BBS9: variants seen among roughly 807,000 people sequenced by gnomAD.
BBS9 encodes the protein Bardet-Biedl syndrome 9, also known as protein PTHB1.
Under a neutral mutation model 117.7 loss-of-function variants are expected in BBS9, and 89 were observed. That is an observed-to-expected ratio of 0.76 (90% CI 0.64 to 0.90). BBS9 has a LOEUF of 0.90. Among genes scored for constraint, BBS9 ranks in the 40% least tolerant of loss-of-function variants. BBS9 has a pLI of 0.00. For synonymous variants in BBS9, 379 were observed against 370.9 expected, an observed-to-expected ratio of 1.02 and a Z score of -0.25; for missense variants, 982 against 1,042.2, an observed-to-expected ratio of 0.94 and a Z score of 0.80.
chr7:33,429,315 G>A (rs2128874252), intron 19 of BBS9, among the ~76,000 whole-genome samples: 1 of 150,002 alleles, frequency 6.7e-6, no homozygotes, highest in South Asian at 2.1e-4. Context: ...AGAAGTGTTA[G>A]TTATCAGTTA....
At chr7:33,390,354 T>A in intron 19 of BBS9, 1 of 985,350 alleles carries the variant, frequency 1.0e-6, no homozygotes, top group Non-Finnish European at 1.2e-6. Flanking sequence ...GAGGTTTTTA[T>A]TTTTTTCTGC....
chr7:33,351,164 T>C, intron 13 of BBS9, 55 bp from the exon 14 acceptor site: 1 of 1,202,440 alleles, frequency 8.3e-7, no homozygotes, highest in Non-Finnish European at 1.2e-6. Context: ...TTAACTGTTG[T>C]TAATAACAGT....
chr7:33,223,262 A>G (rs1790607500), intron 5 of BBS9, among the ~76,000 whole-genome samples: 1 of 152,186 alleles, frequency 6.6e-6, no homozygotes. Flanking sequence ...ATTCAAGCTA[A>G]TTAACATATC....
chr7:33,429,199 C>T (rs1189623539), intron 19 of BBS9, among the ~76,000 whole-genome samples: 1 of 151,754 alleles, frequency 6.6e-6, no homozygotes, highest in Non-Finnish European at 1.5e-5. Context: ...AAAAGGCCAC[C>T]TCTATTTGTT....
chr7:33,598,150 C>A (rs1162699344), intron 21 of BBS9, among the ~76,000 whole-genome samples: 1 of 151,818 alleles, frequency 6.6e-6, no homozygotes, highest in Non-Finnish European at 1.5e-5. Context: ...GTTCACTCCC[C>A]ACTTGGCTTC....
intron 5 of BBS9, among the ~76,000 whole-genome samples, chr7:33,237,223 T>C (rs1793683249): frequency 6.6e-6 from 1 of 152,200 alleles, no homozygotes; most frequent in Admixed American, 6.5e-5. Flanking sequence ...TATTTGGTTC[T>C]GTTTTATGTT....
rs113266251 is a variant in BBS9, at chr7:33,493,676, A to T, written c.2116-11787A>T. Among the ~76,000 whole-genome samples the T allele has an allele frequency of 2.0e-3, 312 of 152,290 alleles. 1 individual carries two copies. Among genetic ancestry groups the T allele is most frequent in the African/African-American group, 7.1e-3 (294 of 41,570 alleles). On this transcript the variant is annotated intron_variant, in intron 19 of 22. Transcript: ENST00000242067. ...GAAAGGTTCCACTGGGGCGGATTGG[A>T]CAATAATCCAAGGCAGTGTCTTTTT...
intron 17 of BBS9, among the ~76,000 whole-genome samples, chr7:33,369,693 G>A (rs989391996): frequency 6.6e-6 from 1 of 152,298 alleles, no homozygotes; most frequent in East Asian, 1.9e-4. Flanking sequence ...GGTATAAGGA[G>A]AGTGTACTTT....
intron 21 of BBS9, among the ~76,000 whole-genome samples, chr7:33,600,962 C>T (rs1585436066): frequency 6.6e-6 from 1 of 152,172 alleles, no homozygotes; most frequent in East Asian, 1.9e-4. Flanking sequence ...TACTTTTATT[C>T]ATGGGGGCCC....
At chr7:33,528,155 AT>A (rs1416184523) in intron 20 of BBS9, among the ~76,000 whole-genome samples, 2 of 152,080 alleles carry the variant, frequency 1.3e-5, no homozygotes, top group Admixed American at 6.6e-5. Flanking sequence ...TGAAGAGGAA[AT>A]TTTTTTCCCT....
intron 19 of BBS9, among the ~76,000 whole-genome samples, chr7:33,500,513 G>A (rs1395867198): frequency 1.3e-5 from 2 of 152,186 alleles, no homozygotes; most frequent in Non-Finnish European, 2.9e-5. Flanking sequence ...GGGGGGACAG[G>A]GGGTCAGCAG....
At chr7:33,374,779 T>A (rs1416800511) in intron 17 of BBS9, among the ~76,000 whole-genome samples, 2 of 151,444 alleles carry the variant, frequency 1.3e-5, no homozygotes, top group Non-Finnish European at 2.9e-5. Context: ...TACCTGCCTA[T>A]AATCCCACCT....
intron 19 of BBS9, among the ~76,000 whole-genome samples, chr7:33,500,831 A>C (rs1332208901): frequency 6.6e-6 from 1 of 152,136 alleles, no homozygotes; most frequent in East Asian, 1.9e-4. Context: ...GATTAATTTC[A>C]CACTCACTTT....
chr7:33,254,845 C>G (rs746805640), intron 5 of BBS9, among the ~76,000 whole-genome samples: 58 of 151,896 alleles, frequency 3.8e-4, no homozygotes, highest in Non-Finnish European at 4.7e-4. Context: ...GGATTTCTTT[C>G]TTTTTTTCTA....
intron 21 of BBS9, among the ~76,000 whole-genome samples, chr7:33,629,240 A>G (rs1865778979): frequency 6.6e-6 from 1 of 152,232 alleles, no homozygotes. Flanking sequence ...ATTTTGTGTG[A>G]ATTAGGGAGT....
At chr7:33,314,667 A>T (rs917150944) in intron 9 of BBS9, 1 of 152,406 alleles carries the variant, frequency 6.6e-6, no homozygotes, top group Non-Finnish European at 1.5e-5. Context: ...AAGAGTGGAT[A>T]TTTTGGGGAA....
intron 17 of BBS9, among the ~76,000 whole-genome samples, chr7:33,376,239 T>G (rs761243284): frequency 6.6e-6 from 1 of 152,138 alleles, no homozygotes; most frequent in African/African-American, 2.4e-5. Context: ...TGTATCCATG[T>G]GTTCTCATTA....
intron 19 of BBS9, among the ~76,000 whole-genome samples, chr7:33,393,030 G>A (rs767960177): frequency 5.3e-5 from 8 of 152,072 alleles, no homozygotes; most frequent in Non-Finnish European, 1.0e-4. Flanking sequence ...GCTGATAGAG[G>A]TGGTGCTCAC....
chr7:33,574,717 ACACACACACGCG>A (rs1293035351), intron 21 of BBS9, among the ~76,000 whole-genome samples: 6 of 147,560 alleles, frequency 4.1e-5, no homozygotes, highest in African/African-American at 5.2e-5. Context: ...ACACACACAC[ACACACACACGCG>A]CACACACACA....
Sources: allele counts gnomAD v4.1 joint callset (sites outside exome capture counted in the v4.1 genomes callset), GRCh38; gene constraint gnomAD v4.1.1; transcripts MANE v1.5; gene names NCBI Gene and HGNC (gene_info 2026-07-23, HGNC 2026-07-21).